LRRC66: variants seen among roughly 807,000 people sequenced by gnomAD.
The protein encoded by LRRC66 is leucine rich repeat containing 66.
LRRC66 carries 29 observed loss-of-function variants against 24.6 expected under a neutral mutation model. That is an observed-to-expected ratio of 1.18 (90% confidence interval 0.88 to 1.61). The LOEUF (loss-of-function observed/expected upper bound fraction) is 1.61, where lower values mean the gene tolerates loss of function less well. Among genes scored for constraint, LRRC66 ranks in the 40% most tolerant of loss-of-function variants. LRRC66 has a pLI of 0.00. For missense variants in LRRC66, 1,124 were observed against 1,058.0 expected, an observed-to-expected ratio of 1.06 and a Z score of -0.87; for synonymous variants, 411 against 397.6, an observed-to-expected ratio of 1.03 and a Z score of -0.40.
chr4:51,997,835 G>C lies in LRRC66; in HGVS notation c.769C>G (p.Gln257Glu). The change falls in exon 4 of 5, where the codon CAG becomes GAG. Residue 257 changes from glutamine (Q) to glutamate (E), a missense_variant. Coordinates refer to ENST00000682860, the MANE Select transcript of LRRC66 (RefSeq NM_001024611.3). ...AAGACTGCCACACTATCATCACACT[G>C]CCAGTTATTATCAGCCAAGTCAACC... ...LVVDLADNNW[Q>E]CDDSVAVFQN... is the part of the protein sequence containing the mutation. The C allele has an allele frequency of 6.2e-7, 1 of 1,613,950 alleles. No individual in the cohort carries two copies. Among genetic ancestry groups the C allele is most frequent in the Middle Eastern group, 1.7e-4 (1 of 6,056 alleles).
Position 51,995,743 on chromosome 4 carries a change from C to G in LRRC66, c.1279G>C (p.Asp427His). ...GTGTGCCCCGCAGCTTCCATGTCAT[C>G]GTAGAAGCCCTCGTTTGAATACGCG... is the stretch of plus-strand genomic sequence containing the variant. ...DNAYSNEGFY[D>H]DMEAAGHTPH... The change falls in exon 5 of 5, where the codon GAT (aspartate) becomes CAT (histidine). Residue 427 changes from aspartate (D) to histidine (H), a missense_variant. Physicochemically the swap from Asp to His is moderately conservative, Grantham distance 81 (BLOSUM62 -1). Coordinates refer to ENST00000682860, the MANE Select transcript of LRRC66 (RefSeq NM_001024611.3). 1 of 1,614,148 alleles carries G rather than the reference C, an allele frequency of 6.2e-7. No homozygotes were observed. Among genetic ancestry groups the G allele is most frequent in the Non-Finnish European group, 8.5e-7 (1 of 1,180,034 alleles).
intron 3 of LRRC66, among the ~76,000 whole-genome samples, chr4:51,999,810 T>C (rs1409267505): frequency 1.8e-4 from 27 of 152,120 alleles, no homozygotes; most frequent in Admixed American, 1.8e-3. Flanking sequence ...GGGTATACAT[T>C]ATGGAAAGGT....
At chr4:52,013,608 C>T (rs1242797048) in intron 2 of LRRC66, among the ~76,000 whole-genome samples, 1 of 152,144 alleles carries the variant, frequency 6.6e-6, no homozygotes, top group Non-Finnish European at 1.5e-5. Flanking sequence ...TCATGGCTGG[C>T]TTCTGTTTTA....
intron 2 of LRRC66, among the ~76,000 whole-genome samples, chr4:52,003,915 C>T (rs1736514338): frequency 6.6e-6 from 1 of 152,108 alleles, no homozygotes; most frequent in Non-Finnish European, 1.5e-5. Flanking sequence ...TATAGTAAAA[C>T]TAAATAATCT....
chr4:52,016,299 G>T (rs1736809507), intron 2 of LRRC66, among the ~76,000 whole-genome samples: 1 of 152,078 alleles, frequency 6.6e-6, no homozygotes, highest in African/African-American at 2.4e-5. Context: ...TGCACAATTT[G>T]GAATGGAGAA....
Position 51,995,737 on chromosome 4 carries a change from T to C in LRRC66, c.1285A>G (p.Met429Val), listed in dbSNP as rs1560556212. 2 of 1,614,130 alleles carry C rather than the reference T, an allele frequency of 1.2e-6. No individual in the cohort carries two copies. Among genetic ancestry groups the C allele is most frequent in the Non-Finnish European group, 8.5e-7 (1 of 1,180,020 alleles). The change falls in exon 5 of 5, where the codon ATG becomes GTG. Residue 429 changes from methionine (M) to valine (V), a missense_variant. Physicochemically the swap from Met to Val is conservative, Grantham distance 21 (BLOSUM62 1). Coordinates refer to ENST00000682860, the MANE Select transcript of LRRC66 (RefSeq NM_001024611.3). ...AYSNEGFYDD[M>V]EAAGHTPHPE... ...TGTGGTGTGTGCCCCGCAGCTTCCA[T>C]GTCATCGTAGAAGCCCTCGTTTGAA...
chr4:52,017,342 T>C lies in LRRC66; in HGVS notation c.272A>G (p.Asp91Gly), dbSNP rs1736838441. The change falls in exon 2 of 5, where the codon GAC becomes GGC. Residue 91 changes from aspartate (D) to glycine (G), a missense_variant. Coordinates refer to ENST00000682860, the MANE Select transcript of LRRC66 (RefSeq NM_001024611.3). The stretch of plus-strand genomic sequence containing the variant: ...TTTTGATATGAGATTGTTACTGAGG[T>C]CCAGATGTTTTATTTTCCACTCTTC... ...KKEEWKIKHLDLSNNLISKIT... is the reference protein window; with the variant it reads ...KKEEWKIKHLGLSNNLISKIT... 6.2e-7 allele frequency: 1 copy of C among 1,614,138 alleles called. No individual in the cohort carries two copies. The highest frequency in any genetic ancestry group is 8.5e-7 in the Non-Finnish European group (1 of 1,180,008).
chr4:52,015,914 G>A (rs551422204), intron 2 of LRRC66, among the ~76,000 whole-genome samples: 1 of 152,108 alleles, frequency 6.6e-6, no homozygotes, highest in African/African-American at 2.4e-5. Flanking sequence ...AAAGAAAAAG[G>A]TACAAATAGG....
Position 51,994,828 on chromosome 4 carries a change from C to T in LRRC66, c.2194G>A (p.Glu732Lys), listed in dbSNP as rs753536045. ...GAGCTCTCGTCCTGCAGGGACTCCTCATCAGGCACTGCCTCTTCAGTCTTG... is the reference window on the plus strand; with the variant it reads ...GAGCTCTCGTCCTGCAGGGACTCCTTATCAGGCACTGCCTCTTCAGTCTTG... ...RSKTEEAVPD[E>K]ESLQDESSGA... The change falls in exon 5 of 5, where the codon GAG (glutamate) becomes AAG (lysine). Residue 732 changes from glutamate to lysine, a missense_variant. By Grantham distance (56) the Glu-to-Lys change is moderately conservative. Coordinates refer to ENST00000682860, the MANE Select transcript of LRRC66 (RefSeq NM_001024611.3). 2 of 1,614,130 alleles carry T rather than the reference C, an allele frequency of 1.2e-6. No individual in the cohort carries two copies. The highest frequency in any genetic ancestry group is 1.1e-5 in the South Asian group (1 of 91,094).
chr4:51,998,958 C>A (rs886335874), intron 3 of LRRC66, among the ~76,000 whole-genome samples: 5 of 152,074 alleles, frequency 3.3e-5, no homozygotes, highest in African/African-American at 1.2e-4. Context: ...GCTGTGTAAA[C>A]AATAGAAAGG....
At chr4:52,005,168 C>CAA (rs1736544128) in intron 2 of LRRC66, among the ~76,000 whole-genome samples, 1 of 152,138 alleles carries the variant, frequency 6.6e-6, no homozygotes, top group South Asian at 2.1e-4. Flanking sequence ...AATCATTGTA[C>CAA]TGACATTAAA....
At chr4:52,006,627 A>G (rs1390813213) in intron 2 of LRRC66, among the ~76,000 whole-genome samples, 2 of 148,984 alleles carry the variant, frequency 1.3e-5, no homozygotes, top group Non-Finnish European at 3.0e-5. Flanking sequence ...GGTGCAGCGC[A>G]CCAGCATGGC....
intron 2 of LRRC66, among the ~76,000 whole-genome samples, chr4:52,011,466 T>G (rs1378391366): frequency 2.0e-5 from 3 of 152,158 alleles, no homozygotes; most frequent in Non-Finnish European, 4.4e-5. Context: ...CTTCCAACAT[T>G]ATGCAGACCT....
At chr4:52,006,516 A>G (rs1736588721) in intron 2 of LRRC66, among the ~76,000 whole-genome samples, 1 of 137,176 alleles carries the variant, frequency 7.3e-6, no homozygotes, top group Non-Finnish European at 1.6e-5. Flanking sequence ...ACACATGGAC[A>G]CAGGAAGGGG....
rs1478866669 is a variant in LRRC66 at position 51,994,154 on chromosome 4, C to T, written c.*225G>A. 8.2e-6 allele frequency: 4 copies of T among 486,778 alleles called. No homozygotes were observed. The East Asian group carries it at 1.1e-4, about 13-fold the overall frequency. 30.2% of individuals were successfully genotyped at this position (486,778 alleles called of 1,614,324 possible). A position where few individuals can be genotyped will look rare whatever the true frequency, so the allele number is the denominator to read the frequency against. ...CCTCTTTCTCTTTCACACTGAAGAG[C>T]AGGTTCATCCCCATAGGATGTTAAC... On this transcript the variant is annotated 3_prime_UTR_variant, in exon 5 of 5. Coordinates refer to ENST00000682860, the MANE Select transcript of LRRC66 (RefSeq NM_001024611.3).
intron 2 of LRRC66, among the ~76,000 whole-genome samples, chr4:52,006,828 C>A (rs1353952631): frequency 1.3e-5 from 2 of 151,610 alleles, no homozygotes; most frequent in Middle Eastern, 3.4e-3. Context: ...ATTTCACAGA[C>A]ATCTCTTTTT....
Position 51,995,481 on chromosome 4 carries a change from T to C in LRRC66, c.1541A>G (p.His514Arg). Reference sequence around the variant, plus strand: ...TGACATTAGTTCACGGTTACCGGCATGTGGATGTCTCTGGAGAATGGAATA... The same window carrying C: ...TGACATTAGTTCACGGTTACCGGCACGTGGATGTCTCTGGAGAATGGAATA... The part of the protein sequence containing the change: ...AVYSILQRHP[H>R]AGNRELMSAA... The change falls in exon 5 of 5, where the codon CAT (histidine) becomes CGT (arginine). Residue 514 changes from histidine to arginine, a missense_variant. Coordinates refer to ENST00000682860, the MANE Select transcript of LRRC66 (RefSeq NM_001024611.3). 3 of 1,614,196 alleles carry C rather than the reference T, an allele frequency of 1.9e-6. No individual in the cohort carries two copies. The highest frequency in any genetic ancestry group is 2.5e-6 in the Non-Finnish European group (3 of 1,180,040).
Position 52,017,413 on chromosome 4 carries a change from T to C in LRRC66, c.201A>G (p.Val67=). 2 of 1,614,202 alleles carry C rather than the reference T, an allele frequency of 1.2e-6. No homozygotes were observed. The highest frequency in any genetic ancestry group is 1.7e-6 in the Non-Finnish European group (2 of 1,180,026). The change falls in exon 2 of 5, where the codon GTA becomes GTG. Residue 67 remains valine (V), a synonymous_variant. Coordinates refer to ENST00000682860, the MANE Select transcript of LRRC66 (RefSeq NM_001024611.3). ...DISQTAATVD[V]SFNFFRVLLQ... is the part of the protein sequence containing the mutation. ...AGAGAACTCTAAAGAAATTGAAACT[T>C]ACATCCACAGTGGCTGCTGTCTGTG...
chr4:52,003,583 G>C (rs1361760092), intron 2 of LRRC66, among the ~76,000 whole-genome samples, 191 bp from the exon 3 acceptor site: 2 of 152,156 alleles, frequency 1.3e-5, no homozygotes, highest in Non-Finnish European at 2.9e-5. Flanking sequence ...CATATAAACT[G>C]ACTGAACTGG....
Sources: allele counts gnomAD v4.1 joint callset (sites outside exome capture counted in the v4.1 genomes callset), GRCh38; gene constraint gnomAD v4.1.1; transcripts MANE v1.5; gene names NCBI Gene and HGNC (gene_info 2026-07-23, HGNC 2026-07-21).